The following PKNOX2 variants were observed in gnomAD, a reference collection of about 807,000 sequenced individuals.
The protein encoded by PKNOX2 is PBX/knotted 1 homeobox 2.
PKNOX2 carries 14 observed loss-of-function variants against 53.1 expected under a neutral mutation model. The ratio of observed to expected loss-of-function variants is 0.26; its 90% CI spans 0.17 to 0.41. The LOEUF is 0.41. Ranked by LOEUF, PKNOX2 falls within the 10% of genes least tolerant of loss-of-function variation. PKNOX2 has a pLI of 1.00. For missense variants in PKNOX2, 496 were observed against 602.8 expected (o/e 0.82, Z 1.85); for synonymous variants, 257 against 242.8 (o/e 1.06, Z -0.54).
At chr11:125,340,475 C>T (rs73025799) in intron 3 of PKNOX2, among the ~76,000 whole-genome samples, 9,351 of 152,242 alleles carry the variant, frequency 0.061, 366 homozygotes, top group Middle Eastern at 0.082. Context: ...CATCTGGAAA[C>T]TTCCTCAAAG....
intron 2 of PKNOX2, among the ~76,000 whole-genome samples, chr11:125,242,866 A>C: frequency 6.6e-6 from 1 of 152,136 alleles, no homozygotes; most frequent in East Asian, 1.9e-4. Context: ...CAGTGTTTCT[A>C]GGTACACAGT....
intron 1 of PKNOX2, among the ~76,000 whole-genome samples, chr11:125,209,465 T>A (rs1939560879): frequency 6.6e-6 from 1 of 151,668 alleles, no homozygotes; most frequent in South Asian, 2.1e-4. Flanking sequence ...AGAGACCAGG[T>A]GGGGTCAGCT....
At chr11:125,234,462 C>A (rs189667759) in intron 1 of PKNOX2, among the ~76,000 whole-genome samples, 3 of 152,282 alleles carry the variant, frequency 2.0e-5, no homozygotes, top group Non-Finnish European at 4.4e-5. Flanking sequence ...TCCAGTCCTG[C>A]ACCATCATTC....
chr11:125,341,524 T>C (rs1479821661), intron 3 of PKNOX2, among the ~76,000 whole-genome samples: 1 of 152,222 alleles, frequency 6.6e-6, no homozygotes, highest in Non-Finnish European at 1.5e-5. Context: ...TGATCTTGTC[T>C]GCTGGGGGGA....
At chr11:125,195,915 AC>A (rs1937628429) in intron 1 of PKNOX2, among the ~76,000 whole-genome samples, 1 of 149,576 alleles carries the variant, frequency 6.7e-6, no homozygotes, top group African/African-American at 2.5e-5. Flanking sequence ...ACACACACAC[AC>A]ACACACAATT....
At chr11:125,222,684 GTA>G (rs1337773211) in intron 1 of PKNOX2, among the ~76,000 whole-genome samples, 5 of 141,206 alleles carry the variant, frequency 3.5e-5, no homozygotes, top group African/African-American at 1.1e-4. Context: ...ATGTGTGTGC[GTA>G]TGTGTGTGTA....
At chr11:125,428,084 A>G (rs1711501060) in intron 10 of PKNOX2, among the ~76,000 whole-genome samples, 1 of 151,564 alleles carries the variant, frequency 6.6e-6, no homozygotes, top group African/African-American at 2.4e-5. Flanking sequence ...GCTTTCCTTC[A>G]CTCAGCAGGC....
At chr11:125,269,415 A>C (rs113498601) in intron 2 of PKNOX2, among the ~76,000 whole-genome samples, 6 of 152,330 alleles carry the variant, frequency 3.9e-5, no homozygotes, top group African/African-American at 1.2e-4. Flanking sequence ...TTACAAACAC[A>C]TCCTATGCAA....
intron 3 of PKNOX2, among the ~76,000 whole-genome samples, chr11:125,332,987 C>G (rs1213632675): frequency 6.6e-6 from 1 of 152,134 alleles, no homozygotes; most frequent in Non-Finnish European, 1.5e-5. Context: ...AGCTGTGGCT[C>G]CTCGCGGTGG....
chr11:125,223,290 C>A (rs996431751), intron 1 of PKNOX2, among the ~76,000 whole-genome samples: 1 of 151,692 alleles, frequency 6.6e-6, no homozygotes, highest in African/African-American at 2.4e-5. Context: ...AATGCAATGG[C>A]GCAATCTTGG....
Position 125,329,871 on chromosome 11 carries a change from C to T in PKNOX2, c.-129-1948C>T, listed in dbSNP as rs73025724. 5.3e-5 allele frequency among the ~76,000 whole-genome samples: 8 copies of T among 151,876 alleles called. No homozygotes were observed. The East Asian group carries it at 1.2e-3, about 22-fold the overall frequency. ...AGGCAGTCGGGGCCAGCTGCTTTTT[C>T]GACAATGAGCAGATGTGTGTTGAAG... is the stretch of plus-strand genomic sequence containing the variant. On this transcript the variant is annotated intron_variant, in intron 2 of 12. Coordinates refer to ENST00000298282, the MANE Select transcript of PKNOX2 (RefSeq NM_001382323.2).
chr11:125,315,092 C>T (rs749050528), intron 2 of PKNOX2, among the ~76,000 whole-genome samples: 36 of 152,024 alleles, frequency 2.4e-4, no homozygotes, highest in Non-Finnish European at 3.8e-4. Flanking sequence ...GCTGCAGTTA[C>T]CCTCTGGCTG....
intron 1 of PKNOX2, among the ~76,000 whole-genome samples, chr11:125,202,312 C>A (rs971564093): frequency 6.6e-6 from 1 of 152,198 alleles, no homozygotes; most frequent in South Asian, 2.1e-4. Flanking sequence ...CCCTGCACCC[C>A]TCACCAAGGG....
At chr11:125,288,686 G>A (rs547876378) in intron 2 of PKNOX2, among the ~76,000 whole-genome samples, 136 of 152,316 alleles carry the variant, frequency 8.9e-4, no homozygotes, top group Non-Finnish European at 1.7e-3. Flanking sequence ...GCTGACCACC[G>A]CAGCGACTCT....
intron 2 of PKNOX2, among the ~76,000 whole-genome samples, chr11:125,239,304 C>G (rs759781926): frequency 1.1e-4 from 17 of 152,306 alleles, no homozygotes; most frequent in Non-Finnish European, 2.2e-4. Flanking sequence ...TGCAGAGGAG[C>G]TAGGATCCTG....
intron 2 of PKNOX2, among the ~76,000 whole-genome samples, chr11:125,310,563 A>G (rs1948741933): frequency 6.6e-6 from 1 of 152,056 alleles, no homozygotes; most frequent in African/African-American, 2.4e-5. Context: ...ATTAACAAGT[A>G]ATGCCAAACT....
chr11:125,293,766 CTCACAT>C (rs1947467147), intron 2 of PKNOX2, among the ~76,000 whole-genome samples: 1 of 151,516 alleles, frequency 6.6e-6, no homozygotes, highest in Admixed American at 6.6e-5. Context: ...CACACCCACA[CTCACAT>C]ACTGACACAG....
intron 6 of PKNOX2, among the ~76,000 whole-genome samples, chr11:125,392,633 A>G (rs1954119060): frequency 6.6e-6 from 1 of 152,236 alleles, no homozygotes; most frequent in Admixed American, 6.5e-5. Flanking sequence ...TCTTCTGAGT[A>G]TATTTTACTT....
At chr11:125,193,836 G>A (rs953352045) in intron 1 of PKNOX2, among the ~76,000 whole-genome samples, 2 of 152,144 alleles carry the variant, frequency 1.3e-5, no homozygotes, top group African/African-American at 2.4e-5. Flanking sequence ...GGATGGAATG[G>A]AGCACATTCA....
Sources: allele counts gnomAD v4.1 joint callset (sites outside exome capture counted in the v4.1 genomes callset), GRCh38; gene constraint gnomAD v4.1.1; transcripts MANE v1.5; gene names NCBI Gene and HGNC (gene_info 2026-07-23, HGNC 2026-07-21).